Variants in LHFPL2 observed in about 807,000 individuals in gnomAD.
LHFPL2 encodes LHFPL tetraspan subfamily member 2 protein.
A neutral mutation model predicts 17.5 loss-of-function variants in LHFPL2; 7 were observed. The observed-to-expected ratio is 0.40, with a 90% CI of 0.23 to 0.75. The LOEUF (loss-of-function observed/expected upper bound fraction) is 0.75, where lower values mean the gene tolerates loss of function less well. LHFPL2 is among the 30% of genes least tolerant of loss of function. LHFPL2 has a pLI of 0.37. For missense variants in LHFPL2, 241 were observed against 294.8 expected (o/e 0.82, Z 1.34); for synonymous variants, 134 against 116.2 (o/e 1.15, Z -0.99).
Position 78,485,722 on chromosome 5 carries a change from T to G in LHFPL2, c.*3175A>C, listed in dbSNP as rs1454261091. 6.6e-6 allele frequency: 1 copy of G among 152,660 alleles called. No homozygotes were observed. The highest frequency in any genetic ancestry group is 1.9e-4 in the East Asian group (1 of 5,200). 9.5% of individuals were successfully genotyped at this position (152,660 alleles called of 1,614,324 possible). A position where few individuals can be genotyped will look rare whatever the true frequency, so the allele number is the denominator to read the frequency against. ...TGTTAAGAAATAGCTCCTCAGTGAT[T>G]ATGTACCAGCTACTAGTTATCCTAC... On this transcript the variant is annotated 3_prime_UTR_variant, in exon 5 of 5. Transcript: ENST00000380345.
At chr5:78,620,263 T>C (rs1425140154) in intron 2 of LHFPL2, among the ~76,000 whole-genome samples, 1 of 151,710 alleles carries the variant, frequency 6.6e-6, no homozygotes, top group Non-Finnish European at 1.5e-5. Context: ...CCAGTGATGG[T>C]GAGCATTTTT....
intron 4 of LHFPL2, among the ~76,000 whole-genome samples, chr5:78,500,882 G>A (rs796673259): frequency 5.3e-5 from 8 of 152,256 alleles, no homozygotes; most frequent in African/African-American, 1.4e-4. Flanking sequence ...AGGAGGGCCG[G>A]GTCTATATCA....
intron 4 of LHFPL2, among the ~76,000 whole-genome samples, chr5:78,503,987 T>C (rs1207310294): frequency 6.6e-6 from 1 of 152,194 alleles, no homozygotes; most frequent in Non-Finnish European, 1.5e-5. Flanking sequence ...TGAAATTGAA[T>C]TCTGACCTAC....
rs1448992994 is a variant in LHFPL2 at position 78,569,004 on chromosome 5, A to T, written c.-244-4133T>A. On this transcript the variant is annotated intron_variant, in intron 2 of 4. Transcript: ENST00000380345. ...TAGTAAATGACAGAATACGGCCTTC[A>T]ATCTAGGACTTCTGACCCCCCAGGC... 2.6e-5 allele frequency among the ~76,000 whole-genome samples: 4 copies of T among 152,176 alleles called. 1 individual carries two copies. The highest frequency in any genetic ancestry group is 4.8e-5 in the African/African-American group (2 of 41,428).
intron 3 of LHFPL2, among the ~76,000 whole-genome samples, chr5:78,547,639 T>C (rs1756319809): frequency 6.6e-6 from 1 of 152,160 alleles, no homozygotes; most frequent in South Asian, 2.1e-4. Context: ...CAGCACAGTT[T>C]CCACACGTAT....
intron 2 of LHFPL2, among the ~76,000 whole-genome samples, chr5:78,598,402 A>C (rs960682531): frequency 6.6e-6 from 1 of 152,190 alleles, no homozygotes; most frequent in Non-Finnish European, 1.5e-5. Flanking sequence ...ACAAAGAAAC[A>C]CAGCTCACTA....
chr5:78,599,571 T>C (rs1341930571), intron 2 of LHFPL2, among the ~76,000 whole-genome samples: 2 of 152,018 alleles, frequency 1.3e-5, no homozygotes, highest in African/African-American at 4.8e-5. Context: ...CCTCCCAAAG[T>C]GCTGGGATTA....
chr5:78,570,634 G>GTGTA, intron 2 of LHFPL2, among the ~76,000 whole-genome samples: 1 of 145,366 alleles, frequency 6.9e-6, no homozygotes, highest in African/African-American at 2.5e-5. Context: ...TATATATATA[G>GTGTA]TATATATATA....
At chr5:78,606,374 A>G (rs1427099692) in intron 2 of LHFPL2, among the ~76,000 whole-genome samples, 1 of 152,236 alleles carries the variant, frequency 6.6e-6, no homozygotes, top group Non-Finnish European at 1.5e-5. Flanking sequence ...TTTAATGTAC[A>G]AGACAGAAAT....
intron 3 of LHFPL2, among the ~76,000 whole-genome samples, chr5:78,562,361 A>G (rs1756750884): frequency 6.6e-6 from 1 of 152,206 alleles, no homozygotes; most frequent in South Asian, 2.1e-4. Context: ...GGCTCACCCC[A>G]GACTGCAACT....
chr5:78,646,351 C>A (rs1173170346), intron 1 of LHFPL2, among the ~76,000 whole-genome samples: 1 of 152,232 alleles, frequency 6.6e-6, no homozygotes, highest in Admixed American at 6.5e-5. Context: ...TTAACAGGCA[C>A]CACTTTTTCC....
intron 4 of LHFPL2, among the ~76,000 whole-genome samples, chr5:78,496,730 A>G (rs960301215): frequency 6.6e-6 from 1 of 151,670 alleles, no homozygotes; most frequent in Non-Finnish European, 1.5e-5. Context: ...CTCTGACAGG[A>G]CAGTTATTCT....
In LHFPL2 at chr5:78,488,225, G is replaced by A. The variant is rs915556913; in HGVS notation, c.*672C>T. The A allele has an allele frequency of 6.5e-6, 1 of 153,006 alleles. No homozygotes were observed. Among genetic ancestry groups the A allele is most frequent in the East Asian group, 1.9e-4 (1 of 5,210 alleles). 9.5% of individuals were successfully genotyped at this position (153,006 alleles called of 1,614,324 possible). A position where few individuals can be genotyped will look rare whatever the true frequency, so the allele number is the denominator to read the frequency against. On this transcript the variant is annotated 3_prime_UTR_variant, in exon 5 of 5. Transcript: ENST00000380345. ...TTCATATTTTTGTTCTCATATGATT[G>A]TATAGGTCCTTATTGTTTCTTTACT... is the stretch of plus-strand genomic sequence containing the variant.
intron 1 of LHFPL2, chr5:78,641,924 C>CACACACACAT (rs141791269): frequency 0.41 from 61,085 of 150,646 alleles, 12,350 homozygotes; most frequent in Middle Eastern, 0.47. Context: ...CACACACACA[C>CACACACACAT]ACACACACAC....
At chr5:78,593,842 T>G (rs905404249) in intron 2 of LHFPL2, among the ~76,000 whole-genome samples, 3 of 152,304 alleles carry the variant, frequency 2.0e-5, no homozygotes, top group Non-Finnish European at 4.4e-5. Flanking sequence ...CCCCAGTCCT[T>G]CCCTACTCTG....
At chr5:78,615,252 T>C (rs1281620334) in intron 2 of LHFPL2, among the ~76,000 whole-genome samples, 13 of 152,036 alleles carry the variant, frequency 8.6e-5, no homozygotes, top group Non-Finnish European at 2.9e-5. Context: ...CCTGTCCCAG[T>C]TGAGAACCAT....
At chr5:78,622,860 A>G in intron 2 of LHFPL2, among the ~76,000 whole-genome samples, 1 of 152,196 alleles carries the variant, frequency 6.6e-6, no homozygotes. Context: ...ACAGACTGAG[A>G]CACCACTGAG....
chr5:78,631,919 G>C (rs1745263574), intron 2 of LHFPL2, among the ~76,000 whole-genome samples: 1 of 133,860 alleles, frequency 7.5e-6, no homozygotes, highest in Non-Finnish European at 1.5e-5. Context: ...CTGGCCTACA[G>C]AGCAAGACTC....
At chr5:78,553,144 C>T (rs1413477010) in intron 3 of LHFPL2, among the ~76,000 whole-genome samples, 3 of 152,340 alleles carry the variant, frequency 2.0e-5, no homozygotes, top group Non-Finnish European at 4.4e-5. Flanking sequence ...CTCCTGCCTA[C>T]CTTCACAACT....
Sources: allele counts gnomAD v4.1 joint callset (sites outside exome capture counted in the v4.1 genomes callset), GRCh38; gene constraint gnomAD v4.1.1; transcripts MANE v1.5; gene names NCBI Gene and HGNC (gene_info 2026-07-23, HGNC 2026-07-21).